The following EPS8 variants were observed in gnomAD, a reference collection of about 807,000 sequenced individuals.
The protein encoded by EPS8 is EGFR pathway substrate 8, signaling adaptor.
EPS8 carries 42 observed loss-of-function variants against 103.8 expected under a neutral mutation model. The ratio of observed to expected loss-of-function variants is 0.40; its 90% CI spans 0.32 to 0.52. The LOEUF is 0.52. Among genes scored for constraint, EPS8 ranks in the 20% least tolerant of loss-of-function variants. The pLI, the probability that EPS8 is intolerant of heterozygous loss-of-function variation, is 0.40. For synonymous variants in EPS8, 344 were observed against 344.6 expected, an observed-to-expected ratio of 1.00 and a Z score of 0.02; for missense variants, 969 against 1,005.1, an observed-to-expected ratio of 0.96 and a Z score of 0.49.
At position 15,761,449 on chromosome 12, in the gene EPS8, G is replaced by A. The variant is rs1471691427; in HGVS notation, c.-22+27712C>T. 6.6e-6 allele frequency among the ~76,000 whole-genome samples: 1 copy of A among 151,946 alleles called. No homozygotes were observed. Among genetic ancestry groups the A allele is most frequent in the Admixed American group, 6.6e-5 (1 of 15,246 alleles). Reference sequence around the variant, plus strand: ...GAAAAAACAATCCTAAAATTTATATGGACCCACAAAAGACCCAGTATACCC... The same window carrying A: ...GAAAAAACAATCCTAAAATTTATATAGACCCACAAAAGACCCAGTATACCC... On this transcript the variant is annotated intron_variant, in intron 1 of 20. Transcript: ENST00000281172. The surrounding 1 kb of genome is among the most constrained non-coding windows in gnomAD (Gnocchi z 4.5).
rs922683236 is a variant in EPS8 at position 15,742,481 on chromosome 12, T to C, written c.-22+46680A>G. ...AAAAAAAGAGAATTTTAGACCAATA[T>C]CCCTAATGAACATCAATGCAAAAAT... On this transcript the variant is annotated intron_variant, in intron 1 of 20. Coordinates refer to ENST00000281172, the MANE Select transcript of EPS8 (RefSeq NM_004447.6). 3.9e-5 allele frequency among the ~76,000 whole-genome samples: 6 copies of C among 152,216 alleles called. No homozygotes were observed. The East Asian group carries it at 1.2e-3, about 29-fold the overall frequency.
intron 1 of EPS8, among the ~76,000 whole-genome samples, chr12:15,775,030 G>A (rs1231874993): frequency 6.6e-6 from 1 of 152,106 alleles, no homozygotes; most frequent in African/African-American, 2.4e-5. Context: ...CAAACCCATT[G>A]TGAGTATCAT....
At position 15,681,259 on chromosome 12, in the gene EPS8, G is replaced by A; in HGVS notation, c.103C>T (p.His35Tyr). 6.4e-7 allele frequency: 1 copy of A among 1,564,348 alleles called. No individual in the cohort carries two copies. Among genetic ancestry groups the A allele is most frequent in the Non-Finnish European group, 8.7e-7 (1 of 1,149,772 alleles). Residue 35 changes from histidine to tyrosine, a missense_variant, in exon 3 of 21, where the codon CAT becomes TAT. Transcript: ENST00000281172. ...SPTFSQTDRE[H>Y]GSKTSAKALY... Reference sequence around the variant, plus strand: ...GCCTTTGCACTTGTTTTTGAACCATGTTCTCTGTCCGTCTGGGAAAAGGTA... The same window carrying A: ...GCCTTTGCACTTGTTTTTGAACCATATTCTCTGTCCGTCTGGGAAAAGGTA...
intron 8 of EPS8, among the ~76,000 whole-genome samples, chr12:15,663,944 A>AAAAATAATAATAATAATAAT (rs1555112203): frequency 2.3e-5 from 2 of 85,976 alleles, no homozygotes; most frequent in Non-Finnish European, 2.2e-5. Context: ...AAAAAAAAAA[A>AAAAATAATAATAATAATAAT]AATAATATAT....
rs1946749902 is a variant in EPS8 at position 15,734,600 on chromosome 12, A to T, written c.-21-51628T>A. On this transcript the variant is annotated intron_variant, in intron 1 of 20. Coordinates refer to ENST00000281172, the MANE Select transcript of EPS8 (RefSeq NM_004447.6). The surrounding 1 kb of genome is among the most constrained non-coding windows in gnomAD (Gnocchi z 4.1). The stretch of plus-strand genomic sequence containing the variant: ...TCCCAGCTACTCGGGAGGCTGAGGC[A>T]GGAGAATGGCGTGAACCTGGGAGGC... Among the ~76,000 whole-genome samples, 1 of 152,158 alleles carries T rather than the reference A, an allele frequency of 6.6e-6. No homozygotes were observed. Among genetic ancestry groups the T allele is most frequent in the African/African-American group, 2.4e-5 (1 of 41,454 alleles).
intron 17 of EPS8, among the ~76,000 whole-genome samples, chr12:15,638,321 T>A (rs554468149): frequency 6.6e-5 from 10 of 152,296 alleles, no homozygotes; most frequent in South Asian, 6.2e-4. Flanking sequence ...GGAATCCTTT[T>A]AGAGTAGGAT....
chr12:15,727,648 A>C lies in EPS8; in HGVS notation c.-21-44676T>G, dbSNP rs937555883. 2.0e-5 allele frequency among the ~76,000 whole-genome samples: 3 copies of C among 152,212 alleles called. No individual in the cohort carries two copies. Among genetic ancestry groups the C allele is most frequent in the African/African-American group, 7.2e-5 (3 of 41,460 alleles). On this transcript the variant is annotated intron_variant, in intron 1 of 20. Coordinates refer to ENST00000281172, the MANE Select transcript of EPS8 (RefSeq NM_004447.6). This position sits in a 1 kb window ranked among gnomAD's most constrained non-coding sequence, Gnocchi z 4.3. The stretch of plus-strand genomic sequence containing the variant: ...GCCGAGGTGGGCGGATCACGAGGTC[A>C]GGAGTTCGAGACCAGCCTGACCAAC...
intron 8 of EPS8, among the ~76,000 whole-genome samples, chr12:15,664,019 A>C (rs28557255): frequency 6.9e-6 from 1 of 145,458 alleles, no homozygotes; most frequent in East Asian, 2.0e-4. Flanking sequence ...AATATACATA[A>C]TATATATTAT....
intron 1 of EPS8, among the ~76,000 whole-genome samples, chr12:15,712,343 A>C (rs564488690): frequency 6.6e-6 from 1 of 152,332 alleles, no homozygotes; most frequent in South Asian, 2.1e-4. Flanking sequence ...ACTCAAAGCC[A>C]AGAACAACCT....
intron 1 of EPS8, among the ~76,000 whole-genome samples, chr12:15,756,465 C>T (rs1448183982): frequency 6.6e-6 from 1 of 151,994 alleles, no homozygotes; most frequent in Non-Finnish European, 1.5e-5. Flanking sequence ...AATAAGAAAA[C>T]TATGGTTTCA....
At chr12:15,766,944 C>CA (rs1447832093) in intron 1 of EPS8, among the ~76,000 whole-genome samples, 1 of 152,170 alleles carries the variant, frequency 6.6e-6, no homozygotes, top group Non-Finnish European at 1.5e-5. Context: ...GCAGGTCTCA[C>CA]ATTTTAAGAT....
At chr12:15,644,273 C>G (rs1458538749) in intron 15 of EPS8, among the ~76,000 whole-genome samples, 1 of 152,152 alleles carries the variant, frequency 6.6e-6, no homozygotes, top group East Asian at 1.9e-4. Context: ...GTTTTCTGTA[C>G]GTCACTTTCC....
rs925365586 is a variant in EPS8, at chr12:15,761,179, T to C, written c.-22+27982A>G. 1.3e-5 allele frequency among the ~76,000 whole-genome samples: 2 copies of C among 151,596 alleles called. No individual in the cohort carries two copies. The highest frequency in any genetic ancestry group is 2.9e-5 in the Non-Finnish European group (2 of 67,852). On this transcript the variant is annotated intron_variant, in intron 1 of 20. Coordinates refer to ENST00000281172, the MANE Select transcript of EPS8 (RefSeq NM_004447.6). The surrounding 1 kb of genome is among the most constrained non-coding windows in gnomAD (Gnocchi z 4.5). The stretch of plus-strand genomic sequence containing the variant: ...AATCTGAAAAAGAAAAAAAAAGTAA[T>C]CCCATTTACAACAGCCACACATAAA...
rs1947153837 is a variant in EPS8, at chr12:15,771,498, T to C, written c.-22+17663A>G. Among the ~76,000 whole-genome samples, 2 of 152,100 alleles carry C rather than the reference T, an allele frequency of 1.3e-5. No homozygotes were observed. Among genetic ancestry groups the C allele is most frequent in the South Asian group, 4.1e-4 (2 of 4,824 alleles). ...CAGAGACATTCAGGAGGGAATAGCTTAAGAAAATGGTCATATAGCCTTGAA... is the reference window on the plus strand; with the variant it reads ...CAGAGACATTCAGGAGGGAATAGCTCAAGAAAATGGTCATATAGCCTTGAA... On this transcript the variant is annotated intron_variant, in intron 1 of 20. Transcript: ENST00000281172. This position sits in a 1 kb window ranked among gnomAD's most constrained non-coding sequence, Gnocchi z 4.6.
rs1450544197 is a variant in EPS8 at position 15,751,501 on chromosome 12, A to T, written c.-22+37660T>A. ...CAATGATCCCAGTCCTAAAAAGCTC[A>T]CATTCAAGTGTCCTCCAGACAAACC... On this transcript the variant is annotated intron_variant, in intron 1 of 20. Coordinates refer to ENST00000281172, the MANE Select transcript of EPS8 (RefSeq NM_004447.6). The surrounding 1 kb of genome is among the most constrained non-coding windows in gnomAD (Gnocchi z 4.3). Among the ~76,000 whole-genome samples the T allele has an allele frequency of 1.3e-5, 2 of 152,174 alleles. No individual in the cohort carries two copies. Among genetic ancestry groups the T allele is most frequent in the African/African-American group, 4.8e-5 (2 of 41,426 alleles).
chr12:15,695,351 A>G lies in EPS8; in HGVS notation c.-21-12379T>C, dbSNP rs1946228308. On this transcript the variant is annotated intron_variant, in intron 1 of 20. Transcript: ENST00000281172. This position sits in a 1 kb window ranked among gnomAD's most constrained non-coding sequence, Gnocchi z 5.0. ...TCATTCATTCGCTCATTTAACAAAT[A>G]ATTACTACGTAACCAGAATGTGCCC... Among the ~76,000 whole-genome samples, 1 of 152,218 alleles carries G rather than the reference A, an allele frequency of 6.6e-6. No homozygotes were observed.
In EPS8 at chr12:15,780,427, T is replaced by C. The variant is rs1175808935; in HGVS notation, c.-22+8734A>G. On this transcript the variant is annotated intron_variant, in intron 1 of 20. Coordinates refer to ENST00000281172, the MANE Select transcript of EPS8 (RefSeq NM_004447.6). The surrounding 1 kb of genome is among the most constrained non-coding windows in gnomAD (Gnocchi z 4.1). ...AACATCACCTTCCCCAGTAAAGACT[T>C]TTCTGACTCCCTCGGCCACAGTGAG... 1.3e-5 allele frequency among the ~76,000 whole-genome samples: 2 copies of C among 150,716 alleles called. No homozygotes were observed. The highest frequency in any genetic ancestry group is 4.9e-5 in the African/African-American group (2 of 40,970).
intron 15 of EPS8, among the ~76,000 whole-genome samples, chr12:15,643,900 T>C (rs1215161212): frequency 6.6e-6 from 1 of 152,176 alleles, no homozygotes; most frequent in African/African-American, 2.4e-5. Context: ...TCTAAAATAC[T>C]AATTGCATCT....
intron 17 of EPS8, among the ~76,000 whole-genome samples, chr12:15,633,509 T>C (rs1406014001): frequency 6.6e-6 from 1 of 152,202 alleles, no homozygotes; most frequent in Non-Finnish European, 1.5e-5. Flanking sequence ...TCAAATACTA[T>C]TGTGAGAAAG....
Sources: gnomAD v4.1 joint callset for allele counts (sites outside exome capture counted in the v4.1 genomes callset) on GRCh38, gnomAD v4.1.1 for gene constraint, Gnocchi (gnomAD v3.1) non-coding constraint, MANE v1.5 for transcripts, NCBI Gene and HGNC (gene_info 2026-07-23, HGNC 2026-07-21) for gene names.